TGM5: variants seen among roughly 807,000 people sequenced by gnomAD.
TGM5 encodes transglutaminase 5, also known as protein-glutamine gamma-glutamyltransferase 5.
TGM5 carries 69 observed loss-of-function variants against 77.2 expected under a neutral mutation model. The observed-to-expected ratio is 0.89, with a 90% CI of 0.74 to 1.09. The LOEUF (loss-of-function observed/expected upper bound fraction) is 1.09, where lower values mean the gene tolerates loss of function less well. TGM5 is among the 50% of genes least tolerant of loss of function. The pLI, the probability that TGM5 is intolerant of heterozygous loss-of-function variation, is 0.00. For synonymous variants in TGM5, 346 were observed against 351.8 expected (o/e 0.98, Z 0.18); for missense variants, 842 against 896.5 (o/e 0.94, Z 0.78).
intron 3 of TGM5, among the ~76,000 whole-genome samples, chr15:43,259,506 AT>A (rs2042769372): frequency 1.3e-5 from 2 of 152,134 alleles, no homozygotes; most frequent in Non-Finnish European, 2.9e-5. Flanking sequence ...CACTTACGGT[AT>A]GTATTGTAGA....
chr15:43,266,558 C>A (rs913664844), intron 1 of TGM5, among the ~76,000 whole-genome samples: 5 of 152,214 alleles, frequency 3.3e-5, no homozygotes, highest in Non-Finnish European at 5.9e-5. Flanking sequence ...AGGACAGAAA[C>A]CCTGACCCCC....
At chr15:43,265,545 C>G (rs1289140207) in intron 1 of TGM5, among the ~76,000 whole-genome samples, 1 of 152,208 alleles carries the variant, frequency 6.6e-6, no homozygotes, top group Non-Finnish European at 1.5e-5. Flanking sequence ...ACAGGAATGA[C>G]TCTTCAGCCC....
chr15:43,258,631 G>C (rs1324211199), intron 3 of TGM5, among the ~76,000 whole-genome samples: 1 of 152,148 alleles, frequency 6.6e-6, no homozygotes, highest in Non-Finnish European at 1.5e-5. Context: ...CAGGTTCATG[G>C]TTGAGACCAC....
At chr15:43,235,984 T>C (rs896267422) in intron 9 of TGM5, 147 bp from the exon 10 acceptor site, 7 of 1,133,938 alleles carry the variant, frequency 6.2e-6, no homozygotes, top group East Asian at 2.5e-5. Context: ...CCTCATGTGC[T>C]TTCCCAGGCA....
chr15:43,266,704 G>A, intron 1 of TGM5, 136 bp downstream of exon 1: 2 of 1,182,344 alleles, frequency 1.7e-6, no homozygotes, highest in Non-Finnish European at 2.5e-6. Context: ...AGGTTTCTGG[G>A]ATTCTTGCTT....
Position 43,238,912 on chromosome 15 carries a change from T to G in TGM5, c.1250A>C (p.His417Pro). 1 of 1,614,226 alleles carries G rather than the reference T, an allele frequency of 6.2e-7. No individual in the cohort carries two copies. The highest frequency in any genetic ancestry group is 8.5e-7 in the Non-Finnish European group (1 of 1,180,048). ...ATTGCCAACAGAACTCGTGTCCTGG[T>G]GAAGCTTCTGCTCCTTCCCTCCCTG... ...LVQGGKEQKL[H>P]QDTSSVGNFI... is the part of the protein sequence containing the mutation. Residue 417 changes from histidine to proline, a missense_variant, in exon 9 of 13, where the codon CAC becomes CCC. Around this residue, in one of 2 missense-constraint regions of TGM5, gnomAD observed 815 missense variants for 844.6 expected, o/e 0.96. Transcript: ENST00000220420.
intron 5 of TGM5, 80 bp downstream of exon 5, chr15:43,253,426 C>T (rs2042720009): frequency 6.3e-7 from 1 of 1,590,026 alleles, no homozygotes; most frequent in Non-Finnish European, 8.5e-7. Context: ...CCTCTTTCAC[C>T]CACTGCAGGG....
intron 1 of TGM5, among the ~76,000 whole-genome samples, chr15:43,263,881 T>C (rs916575770): frequency 2.0e-5 from 3 of 152,210 alleles, no homozygotes; most frequent in Non-Finnish European, 4.4e-5. Flanking sequence ...AGAAAAGCCA[T>C]AGAATGTTAG....
intron 1 of TGM5, among the ~76,000 whole-genome samples, chr15:43,262,085 A>G (rs1234960556): frequency 6.6e-6 from 1 of 152,104 alleles, no homozygotes; most frequent in East Asian, 1.9e-4. Flanking sequence ...ATTTGCTGTT[A>G]TAGCCCCAAC....
In TGM5 at chr15:43,260,075, A is replaced by T. The variant is rs1238612468; in HGVS notation, c.413T>A (p.Leu138Gln). Residue 138 changes from leucine (L) to glutamine (Q), a missense_variant, in exon 3 of 13, where the codon CTG (leucine) becomes CAG (glutamine). By Grantham distance (113) the Leu-to-Gln change is moderately radical (BLOSUM62 -2). This residue lies in a region of TGM5 where 815 missense variants were observed against 844.6 expected (regional missense o/e 0.96). Coordinates refer to ENST00000220420, the MANE Select transcript of TGM5 (RefSeq NM_201631.4). Reference sequence around the variant, plus strand: ...ACCTGGGCACCAGGGATTGAAAAGCAGGATGAACTCCCCTAGCTGGTAGGC... The same window carrying T: ...ACCTGGGCACCAGGGATTGAAAAGCTGGATGAACTCCCCTAGCTGGTAGGC... Reference protein sequence around the residue: ...VTAYQLGEFILLFNPWCPEDA... With the variant: ...VTAYQLGEFIQLFNPWCPEDA... 1 of 1,613,998 alleles carries T rather than the reference A, an allele frequency of 6.2e-7. No homozygotes were observed. Among genetic ancestry groups the T allele is most frequent in the Admixed American group, 1.7e-5 (1 of 60,028 alleles).
chr15:43,236,612 G>A (rs551863385), intron 9 of TGM5, among the ~76,000 whole-genome samples: 2 of 152,288 alleles, frequency 1.3e-5, no homozygotes, highest in East Asian at 3.9e-4. Context: ...CCCTTGCTCT[G>A]GGGTTCATTC....
intron 6 of TGM5, among the ~76,000 whole-genome samples, chr15:43,244,541 C>T (rs1223823811): frequency 6.6e-6 from 1 of 152,126 alleles, no homozygotes; most frequent in Non-Finnish European, 1.5e-5. Context: ...CAAAGGTGAA[C>T]GAGATCTCAG....
Position 43,256,594 on chromosome 15 carries a change from G to T in TGM5, c.529C>A (p.Arg177Ser). 1 of 1,614,046 alleles carries T rather than the reference G, an allele frequency of 6.2e-7. No homozygotes were observed. Among genetic ancestry groups the T allele is most frequent in the Non-Finnish European group, 8.5e-7 (1 of 1,179,940 alleles). ...FIYQGSKNWIRPCPWNYGQFE... is the reference protein window; with the variant it reads ...FIYQGSKNWISPCPWNYGQFE... ...TGTCCATAGTTCCAGGGACATGGGC[G>T]GATCCAGTTCTTGCTGCCTTGGTAG... Residue 177 changes from arginine to serine, a missense_variant, in exon 4 of 13, where the codon CGC (arginine) becomes AGC (serine). By Grantham distance (110) the Arg-to-Ser change is moderately radical. Transcript: ENST00000220420.
chr15:43,243,674 T>C (rs1293795495), intron 6 of TGM5, among the ~76,000 whole-genome samples: 1 of 152,178 alleles, frequency 6.6e-6, no homozygotes, highest in Non-Finnish European at 1.5e-5. Context: ...AAAGAGCTCA[T>C]CCCGACTATG....
Position 43,233,178 on chromosome 15 carries a change from G to C in TGM5, c.*13C>G, listed in dbSNP as rs368026424. 1 of 1,613,912 alleles carries C rather than the reference G, an allele frequency of 6.2e-7. No individual in the cohort carries two copies. ...AGCTTGAAATTCACACGTCTGGCGC[G>C]TTGTTCCAGAATTTATAATGCAAAG... On this transcript the variant is annotated 3_prime_UTR_variant, in exon 13 of 13. Coordinates refer to ENST00000220420, the MANE Select transcript of TGM5 (RefSeq NM_201631.4).
chr15:43,244,279 T>C (rs1050787650), intron 6 of TGM5, among the ~76,000 whole-genome samples: 1 of 152,260 alleles, frequency 6.6e-6, no homozygotes, highest in East Asian at 1.9e-4. Context: ...AAGACTTTTC[T>C]TGCATTTCTA....
intron 10 of TGM5, among the ~76,000 whole-genome samples, chr15:43,235,166 A>T (rs2042578684): frequency 6.6e-6 from 1 of 152,122 alleles, no homozygotes; most frequent in Non-Finnish European, 1.5e-5. Flanking sequence ...AGAGACTCCA[A>T]ATCTCAGGCT....
chr15:43,261,483 A>C (rs2042790468), intron 1 of TGM5, among the ~76,000 whole-genome samples: 2 of 151,832 alleles, frequency 1.3e-5, no homozygotes, highest in African/African-American at 4.8e-5. Flanking sequence ...CAACAGTCAA[A>C]GAAAGTTTCA....
At chr15:43,239,402 C>A in intron 7 of TGM5, 136 bp from the exon 8 acceptor site, 1 of 857,336 alleles carries the variant, frequency 1.2e-6, no homozygotes, top group Non-Finnish European at 1.9e-6. Flanking sequence ...CTGTGGATAG[C>A]CAGGCACGAT....
Sources: allele counts gnomAD v4.1 joint callset (sites outside exome capture counted in the v4.1 genomes callset), GRCh38; gene constraint gnomAD v4.1.1; regional missense constraint gnomAD v4.1.1; transcripts MANE v1.5; gene names NCBI Gene and HGNC (gene_info 2026-07-23, HGNC 2026-07-21).